The following SLIT2 variants were observed in gnomAD, a reference collection of about 807,000 sequenced individuals.
SLIT2 encodes slit guidance ligand 2.
SLIT2 carries 41 observed loss-of-function variants against 185.7 expected under a neutral mutation model. The observed-to-expected ratio is 0.22, with a 90% CI of 0.17 to 0.29. The LOEUF (loss-of-function observed/expected upper bound fraction) is 0.29. Among genes scored for constraint, SLIT2 ranks in the 10% least tolerant of loss-of-function variants. The probability of loss-of-function intolerance (pLI) is 1.00; values close to 1 mark genes in which losing one functional copy is unlikely to be tolerated. For missense variants in SLIT2, 1,571 were observed against 1,909.0 expected (o/e 0.82, Z 3.30); for synonymous variants, 693 against 680.2 (o/e 1.02, Z -0.29).
intron 4 of SLIT2, among the ~76,000 whole-genome samples, chr4:20,307,340 G>A (rs748101902): frequency 6.8e-6 from 1 of 147,780 alleles, no homozygotes; most frequent in South Asian, 2.1e-4. Context: ...ATAGCTCACT[G>A]CTGCCTTGAA....
At chr4:20,589,833 C>T in intron 30 of SLIT2, 96 bp downstream of exon 30, 1 of 791,358 alleles carries the variant, frequency 1.3e-6, no homozygotes. Flanking sequence ...CACACCTCTG[C>T]TCAGGATTAA....
At chr4:20,264,305 C>T (rs964602842) in intron 3 of SLIT2, among the ~76,000 whole-genome samples, 17 of 151,688 alleles carry the variant, frequency 1.1e-4, no homozygotes, top group Non-Finnish European at 1.9e-4. Flanking sequence ...TAGTTTTATG[C>T]TTGATCATTC....
intron 8 of SLIT2, among the ~76,000 whole-genome samples, chr4:20,489,415 T>C (rs1236230189): frequency 2.6e-5 from 4 of 152,226 alleles, no homozygotes; most frequent in Admixed American, 2.6e-4. Context: ...CATGCATACA[T>C]GTATACTAAT....
intron 18 of SLIT2, among the ~76,000 whole-genome samples, chr4:20,536,678 T>C (rs1224381616): frequency 6.6e-6 from 1 of 151,896 alleles, no homozygotes; most frequent in Non-Finnish European, 1.5e-5. Context: ...TGTGACTTTT[T>C]TACTTTATGA....
chr4:20,394,968 G>A (rs4585301), intron 4 of SLIT2: 32,388 of 151,734 alleles, frequency 0.21, 3,713 homozygotes, highest in Non-Finnish European at 0.27. Flanking sequence ...GTTGGTGGTG[G>A]TGGCTGCCTT....
At chr4:20,340,184 G>A (rs527928190) in intron 4 of SLIT2, among the ~76,000 whole-genome samples, 1 of 152,250 alleles carries the variant, frequency 6.6e-6, no homozygotes, top group South Asian at 2.1e-4. Flanking sequence ...TGTGAAATAA[G>A]GACATGTTGG....
intron 4 of SLIT2, among the ~76,000 whole-genome samples, chr4:20,351,544 A>G (rs1721877905): frequency 6.6e-6 from 1 of 152,110 alleles, no homozygotes; most frequent in African/African-American, 2.4e-5. Context: ...CCTCTCTACC[A>G]CAGACAGCTC....
chr4:20,370,565 C>A (rs1218147468), intron 4 of SLIT2, among the ~76,000 whole-genome samples: 1 of 152,112 alleles, frequency 6.6e-6, no homozygotes, highest in Non-Finnish European at 1.5e-5. Context: ...GACTCCAATA[C>A]TGGATTCCCT....
Position 20,366,618 on chromosome 4 carries a change from C to A in SLIT2, c.395+97737C>A, listed in dbSNP as rs538066054. 1.2e-4 allele frequency among the ~76,000 whole-genome samples: 18 copies of A among 152,108 alleles called. 1 individual carries two copies. In the South Asian group the frequency reaches 3.5e-3, roughly 30 times the overall value. On this transcript the variant is annotated intron_variant, in intron 4 of 36. Transcript: ENST00000504154. ...TCCTTTTACCTGTCATCATTCATTG[C>A]ATGTGCCTATCTCTATCTAAGTAAT...
intron 4 of SLIT2, among the ~76,000 whole-genome samples, chr4:20,391,254 CCA>C (rs1217181034): frequency 6.6e-6 from 1 of 151,992 alleles, no homozygotes; most frequent in Non-Finnish European, 1.5e-5. Context: ...AGTGCATCAG[CCA>C]CAATGCACAT....
chr4:20,575,997 A>G (rs1325110474), intron 29 of SLIT2, among the ~76,000 whole-genome samples: 4 of 152,246 alleles, frequency 2.6e-5, no homozygotes, highest in African/African-American at 9.6e-5. Flanking sequence ...AAAGAGGAAT[A>G]ATGATATCTG....
At chr4:20,301,002 TG>T (rs1716989091) in intron 4 of SLIT2, among the ~76,000 whole-genome samples, 1 of 152,092 alleles carries the variant, frequency 6.6e-6, no homozygotes, top group South Asian at 2.1e-4. Flanking sequence ...GTACAGATTT[TG>T]CCTTATGCTA....
intron 4 of SLIT2, among the ~76,000 whole-genome samples, chr4:20,391,869 T>A (rs1449569302): frequency 6.6e-6 from 1 of 152,106 alleles, no homozygotes; most frequent in Non-Finnish European, 1.5e-5. Flanking sequence ...TCAAAATGGA[T>A]ATCATTGATA....
rs539569426 is a variant in SLIT2 at position 20,412,906 on chromosome 4, C to A, written c.396-54846C>A. Among the ~76,000 whole-genome samples, 974 of 152,196 alleles carry A rather than the reference C, an allele frequency of 6.4e-3. 9 individuals carry two copies. Among genetic ancestry groups the A allele is most frequent in the African/African-American group, 0.022 (920 of 41,568 alleles). The stretch of plus-strand genomic sequence containing the variant: ...ATGAATGTAAGGGCTTATTTCTGTA[C>A]TATCACTTTCTTCTTCTTTTTCAAG... On this transcript the variant is annotated intron_variant, in intron 4 of 36. Transcript: ENST00000504154.
chr4:20,504,537 C>T (rs1438221518), intron 9 of SLIT2, among the ~76,000 whole-genome samples: 2 of 152,114 alleles, frequency 1.3e-5, no homozygotes, highest in Non-Finnish European at 2.9e-5. Flanking sequence ...ACAGAGATTG[C>T]AGCCAGTTAT....
At chr4:20,403,866 T>C (rs1183442130) in intron 4 of SLIT2, among the ~76,000 whole-genome samples, 1 of 149,484 alleles carries the variant, frequency 6.7e-6, no homozygotes, top group Non-Finnish European at 1.5e-5. Flanking sequence ...ATGAAGACAT[T>C]GAAGACAAGT....
chr4:20,512,363 T>C (rs1398712711), intron 11 of SLIT2, among the ~76,000 whole-genome samples: 5 of 152,138 alleles, frequency 3.3e-5, no homozygotes, highest in Non-Finnish European at 5.9e-5. Context: ...TGTTAGTCTG[T>C]TTAAAAACAA....
At chr4:20,582,747 C>T (rs1407370654) in intron 29 of SLIT2, among the ~76,000 whole-genome samples, 1 of 152,174 alleles carries the variant, frequency 6.6e-6, no homozygotes, top group Non-Finnish European at 1.5e-5. Context: ...TACCTTTTCA[C>T]TTAAAGGAAG....
intron 6 of SLIT2, among the ~76,000 whole-genome samples, chr4:20,485,751 T>C (rs567378968): frequency 6.6e-6 from 1 of 152,168 alleles, no homozygotes; most frequent in Non-Finnish European, 1.5e-5. Flanking sequence ...ACACGAATGA[T>C]TCTGTATTGT....
Sources: gnomAD v4.1 joint callset for allele counts (sites outside exome capture counted in the v4.1 genomes callset) on GRCh38, gnomAD v4.1.1 for gene constraint, MANE v1.5 for transcripts, NCBI Gene and HGNC (gene_info 2026-07-23, HGNC 2026-07-21) for gene names.